The following VAT1L variants were observed in gnomAD, a reference collection of about 807,000 sequenced individuals.
VAT1L encodes the protein vesicle amine transport 1 like.
In VAT1L, 34 loss-of-function variants were observed where a neutral mutation model predicts 44.1. The observed-to-expected ratio is 0.77, with a 90% confidence interval of 0.59 to 1.03. The LOEUF is 1.03. Ranked by LOEUF, VAT1L falls within the 50% of genes least tolerant of loss-of-function variation. VAT1L has a pLI of 0.00. For missense variants in VAT1L, 615 were observed against 538.8 expected, an observed-to-expected ratio of 1.14 and a Z score of -1.40; for synonymous variants, 253 against 202.2, an observed-to-expected ratio of 1.25 and a Z score of -2.13.
At chr16:77,841,224 G>T (rs1321283164) in intron 3 of VAT1L, among the ~76,000 whole-genome samples, 1 of 152,112 alleles carries the variant, frequency 6.6e-6, no homozygotes, top group Non-Finnish European at 1.5e-5. Context: ...GAGACTACAG[G>T]CTCATGCCAC....
intron 1 of VAT1L, among the ~76,000 whole-genome samples, chr16:77,808,590 C>T (rs1267755030): frequency 1.3e-5 from 2 of 151,896 alleles, no homozygotes; most frequent in African/African-American, 2.4e-5. Context: ...AGTTTTGTTT[C>T]TGTTTTTGTT....
intron 3 of VAT1L, among the ~76,000 whole-genome samples, chr16:77,846,074 G>A (rs1267235600): frequency 6.6e-6 from 1 of 152,176 alleles, no homozygotes; most frequent in Non-Finnish European, 1.5e-5. Context: ...TGGAGTGGGT[G>A]CTTGGCAAGT....
At chr16:77,859,636 A>G (rs935732252) in intron 3 of VAT1L, among the ~76,000 whole-genome samples, 1 of 152,152 alleles carries the variant, frequency 6.6e-6, no homozygotes, top group South Asian at 2.1e-4. Flanking sequence ...CAGGTGGAGG[A>G]GTGTTGTCAT....
chr16:77,921,366 C>T (rs1263851268), intron 7 of VAT1L, among the ~76,000 whole-genome samples: 1 of 152,192 alleles, frequency 6.6e-6, no homozygotes, highest in Non-Finnish European at 1.5e-5. Context: ...TTGTGTATCT[C>T]ATACGGGTGC....
intron 7 of VAT1L, among the ~76,000 whole-genome samples, chr16:77,944,013 C>A (rs761135036): frequency 6.6e-6 from 1 of 152,244 alleles, no homozygotes; most frequent in South Asian, 2.1e-4. Context: ...CCATTTCTAA[C>A]GCTACATCAA....
chr16:77,969,117 C>G (rs1597126714), intron 7 of VAT1L, among the ~76,000 whole-genome samples: 1 of 152,190 alleles, frequency 6.6e-6, no homozygotes, highest in Admixed American at 6.5e-5. Context: ...CTATGCCTGG[C>G]CTGATATTAT....
At chr16:77,942,289 C>CT (rs1489467208) in intron 7 of VAT1L, among the ~76,000 whole-genome samples, 1 of 152,164 alleles carries the variant, frequency 6.6e-6, no homozygotes, top group East Asian at 1.9e-4. Flanking sequence ...GACTTATTCA[C>CT]TATCACGTGA....
chr16:77,955,649 TG>T (rs371535442), intron 7 of VAT1L, among the ~76,000 whole-genome samples: 2 of 148,788 alleles, frequency 1.3e-5, no homozygotes, highest in African/African-American at 5.0e-5. Flanking sequence ...CTCTTGAACC[TG>T]GGAAGTGGAG....
chr16:77,885,701 T>C (rs923111511), intron 7 of VAT1L, among the ~76,000 whole-genome samples: 4 of 152,290 alleles, frequency 2.6e-5, no homozygotes, highest in African/African-American at 7.2e-5. Flanking sequence ...TACTTTGTTG[T>C]ACTTTTGCAA....
chr16:77,918,475 C>A (rs371364283), intron 7 of VAT1L, among the ~76,000 whole-genome samples: 1 of 152,098 alleles, frequency 6.6e-6, no homozygotes, highest in East Asian at 1.9e-4. Flanking sequence ...ATCATCCTGC[C>A]GTTAGACTCC....
At chr16:77,886,395 C>G (rs1226280461) in intron 7 of VAT1L, among the ~76,000 whole-genome samples, 1 of 152,132 alleles carries the variant, frequency 6.6e-6, no homozygotes, top group Non-Finnish European at 1.5e-5. Context: ...ATATACTTGT[C>G]CATGGGCCAG....
intron 7 of VAT1L, among the ~76,000 whole-genome samples, chr16:77,969,577 A>G (rs1044153182): frequency 6.6e-6 from 1 of 152,140 alleles, no homozygotes; most frequent in African/African-American, 2.4e-5. Flanking sequence ...ACAAGGAAGC[A>G]TCAAGAGTTA....
At chr16:77,836,346 G>C (rs558160183) in intron 3 of VAT1L, among the ~76,000 whole-genome samples, 1 of 152,090 alleles carries the variant, frequency 6.6e-6, no homozygotes, top group South Asian at 2.1e-4. Flanking sequence ...CAGATACCTG[G>C]TCCCCAGGGT....
rs1185586231 is a variant in VAT1L at position 77,816,946 on chromosome 16, G to C, written c.259G>C (p.Val87Leu). The change falls in exon 2 of 9, where the codon GTG (valine) becomes CTG (leucine). Residue 87 changes from valine (V) to leucine (L), a missense_variant. By Grantham distance (32) the Val-to-Leu change is conservative. Coordinates refer to ENST00000302536, the MANE Select transcript of VAT1L (RefSeq NM_020927.3). ...ACGLNFIDLM[V>L]RQGNIDNPPK... ...TGGATTAAACTTCATTGACTTGATG[G>C]TGCGACAAGGGAATATTGACAACCC... is the stretch of plus-strand genomic sequence containing the variant. 5 of 1,613,636 alleles carry C rather than the reference G, an allele frequency of 3.1e-6. No homozygotes were observed. Among genetic ancestry groups the C allele is most frequent in the Non-Finnish European group, 3.4e-6 (4 of 1,179,834 alleles).
At chr16:77,806,017 C>G (rs532908552) in intron 1 of VAT1L, among the ~76,000 whole-genome samples, 2 of 151,564 alleles carry the variant, frequency 1.3e-5, no homozygotes, top group East Asian at 3.9e-4. Flanking sequence ...CGCCTGCCAC[C>G]ATGCCCAGCA....
chr16:77,829,116 T>G (rs1206563502), intron 3 of VAT1L, among the ~76,000 whole-genome samples: 1 of 152,108 alleles, frequency 6.6e-6, no homozygotes, highest in Non-Finnish European at 1.5e-5. Context: ...CAAAACCTCT[T>G]CTCTTTCCAT....
chr16:77,828,349 G>A (rs1272183144), intron 3 of VAT1L, among the ~76,000 whole-genome samples: 1 of 152,212 alleles, frequency 6.6e-6, no homozygotes, highest in Non-Finnish European at 1.5e-5. Context: ...ATGACCCAGT[G>A]TCATCACAAG....
chr16:77,837,984 C>T (rs533738503), intron 3 of VAT1L, among the ~76,000 whole-genome samples: 7 of 152,264 alleles, frequency 4.6e-5, no homozygotes, highest in Admixed American at 1.3e-4. Flanking sequence ...AAACCTAGAG[C>T]GAGGGGCAAA....
At chr16:77,882,886 A>G (rs2017169750) in intron 6 of VAT1L, among the ~76,000 whole-genome samples, 1 of 152,186 alleles carries the variant, frequency 6.6e-6, no homozygotes, top group Admixed American at 6.5e-5. Flanking sequence ...ATGCCTCACC[A>G]CACCATCTGT....
Sources: gnomAD v4.1 joint callset for allele counts (sites outside exome capture counted in the v4.1 genomes callset) on GRCh38, gnomAD v4.1.1 for gene constraint, MANE v1.5 for transcripts, NCBI Gene and HGNC (gene_info 2026-07-23, HGNC 2026-07-21) for gene names.